The following FBXW2 variants were observed in gnomAD, a reference collection of about 807,000 sequenced individuals.
The protein encoded by FBXW2 is F-box/WD repeat-containing protein 2.
FBXW2 carries 12 observed loss-of-function variants against 46.0 expected under a neutral mutation model. That is an observed-to-expected ratio of 0.26 (90% CI 0.17 to 0.42). FBXW2 has a LOEUF of 0.42. Among genes scored for constraint, FBXW2 ranks in the 10% least tolerant of loss-of-function variants. FBXW2 has a pLI of 1.00. For missense variants in FBXW2, 360 were observed against 537.0 expected, an observed-to-expected ratio of 0.67 and a Z score of 3.26; for synonymous variants, 203 against 209.6, an observed-to-expected ratio of 0.97 and a Z score of 0.27.
rs753126809 is a variant in FBXW2 at position 120,788,023 on chromosome 9, G to T, written c.236C>A (p.Thr79Lys). 5.0e-6 allele frequency: 8 copies of T among 1,614,216 alleles called. No individual in the cohort carries two copies. The highest frequency in any genetic ancestry group is 6.8e-6 in the Non-Finnish European group (8 of 1,180,050). Reference protein sequence around the residue: ...LKWLDPQTLLTCCLVSKQWNK... With the variant: ...LKWLDPQTLLKCCLVSKQWNK... ...CCACTGTTTAGAGACGAGGCAGCAT[G>T]TGAGTAAAGTCTGAGGATCGAGCCA... The change falls in exon 3 of 8, where the codon ACA (threonine) becomes AAA (lysine). Residue 79 changes from threonine (T) to lysine (K), a missense_variant. By Grantham distance (78) the Thr-to-Lys change is moderately conservative. Transcript: ENST00000608872.
chr9:120,769,033 T>C (rs1009505209), intron 7 of FBXW2, among the ~76,000 whole-genome samples: 1 of 152,226 alleles, frequency 6.6e-6, no homozygotes, highest in African/African-American at 2.4e-5. Context: ...TTCACTTTGA[T>C]CACTTTAGAA....
intron 2 of FBXW2, 174 bp downstream of exon 2, chr9:120,792,975 G>T (rs1361512220): frequency 6.5e-7 from 1 of 1,533,600 alleles, no homozygotes; most frequent in African/African-American, 1.4e-5. Context: ...TCTTTCAAAC[G>T]TTTGGTAGCC....
At position 120,779,997 on chromosome 9, in the gene FBXW2, G is replaced by A. The variant is rs78441057; in HGVS notation, c.491-1452C>T. ...TCTACTAAAATAAAAAAAATCAGCC[G>A]GGCATGATGGCGCGCCTATATTCCC... is the stretch of plus-strand genomic sequence containing the variant. On this transcript the variant is annotated intron_variant, in intron 3 of 7. Coordinates refer to ENST00000608872, the MANE Select transcript of FBXW2 (RefSeq NM_012164.4). 5.9e-3 allele frequency among the ~76,000 whole-genome samples: 896 copies of A among 151,950 alleles called. 10 individuals carry two copies. The highest frequency in any genetic ancestry group is 0.02 in the African/African-American group (845 of 41,446).
chr9:120,777,083 T>TA (rs1343469421), intron 4 of FBXW2, among the ~76,000 whole-genome samples: 1 of 152,046 alleles, frequency 6.6e-6, no homozygotes, highest in Admixed American at 6.6e-5. Flanking sequence ...GAGGGAATAG[T>TA]AAAGGTATGA....
intron 3 of FBXW2, among the ~76,000 whole-genome samples, chr9:120,784,848 G>A (rs1488982477): frequency 6.6e-6 from 1 of 150,542 alleles, no homozygotes; most frequent in East Asian, 2.0e-4. Flanking sequence ...TTGAACCCAG[G>A]AGGAGGAGGT....
At chr9:120,778,633 C>A in intron 3 of FBXW2, 88 bp from the exon 4 acceptor site, 1 of 1,104,558 alleles carries the variant, frequency 9.1e-7, no homozygotes, top group Non-Finnish European at 1.3e-6. Flanking sequence ...TCTTCAAGAA[C>A]ATTAACGGTC....
chr9:120,793,065 C>G (rs1401878388), intron 2 of FBXW2, 84 bp downstream of exon 2: 3 of 1,001,362 alleles, frequency 3.0e-6, no homozygotes, highest in African/African-American at 1.6e-5. Flanking sequence ...CCCTGTTTTC[C>G]CGTCTCTAAA....
At chr9:120,790,852 T>C (rs1400743271) in intron 2 of FBXW2, among the ~76,000 whole-genome samples, 1 of 152,188 alleles carries the variant, frequency 6.6e-6, no homozygotes, top group Non-Finnish European at 1.5e-5. Flanking sequence ...AATGTGCCCA[T>C]GACACCGCTA....
intron 5 of FBXW2, among the ~76,000 whole-genome samples, chr9:120,773,395 G>A (rs2044422474): frequency 6.6e-6 from 1 of 152,124 alleles, no homozygotes; most frequent in South Asian, 2.1e-4. Flanking sequence ...CTGGACTTGG[G>A]ACCAGAATCT....
At chr9:120,789,151 G>A (rs957339655) in intron 2 of FBXW2, among the ~76,000 whole-genome samples, 1 of 152,132 alleles carries the variant, frequency 6.6e-6, no homozygotes, top group African/African-American at 2.4e-5. Context: ...GGTTAGAGAA[G>A]GTATGTGATT....
At chr9:120,784,660 C>T (rs2044681991) in intron 3 of FBXW2, among the ~76,000 whole-genome samples, 4 of 151,802 alleles carry the variant, frequency 2.6e-5, no homozygotes, top group African/African-American at 7.3e-5. Context: ...TGCCTCACAC[C>T]TGTAATCCCA....
At chr9:120,785,542 A>T (rs2044701778) in intron 3 of FBXW2, among the ~76,000 whole-genome samples, 1 of 152,238 alleles carries the variant, frequency 6.6e-6, no homozygotes, top group Non-Finnish European at 1.5e-5. Context: ...AGCATTTCAG[A>T]GAAAATATCA....
Position 120,764,781 on chromosome 9 carries a change from C to G in FBXW2, c.1143G>C (p.Leu381=). Residue 381 remains leucine (L), a synonymous_variant, in exon 8 of 8, where the codon CTG becomes CTC. Coordinates refer to ENST00000608872, the MANE Select transcript of FBXW2 (RefSeq NM_012164.4). ...LLGFGDIFAL[L]FDNRYLYIMD... is the part of the protein sequence containing the mutation. ...TGATGTACAGGTAGCGGTTGTCAAA[C>G]AGCAGGGCAAAGATATCTCCAAAGC... 1 of 1,612,950 alleles carries G rather than the reference C, an allele frequency of 6.2e-7. No individual in the cohort carries two copies. Among genetic ancestry groups the G allele is most frequent in the South Asian group, 1.1e-5 (1 of 90,994 alleles).
chr9:120,775,323 T>G (rs2044470383), intron 5 of FBXW2, among the ~76,000 whole-genome samples: 2 of 152,218 alleles, frequency 1.3e-5, no homozygotes, highest in Non-Finnish European at 2.9e-5. Flanking sequence ...GGATTACACA[T>G]GTAAGCCTCT....
At chr9:120,779,531 TA>T (rs1235545326) in intron 3 of FBXW2, among the ~76,000 whole-genome samples, 2 of 152,238 alleles carry the variant, frequency 1.3e-5, no homozygotes, top group Non-Finnish European at 2.9e-5. Context: ...CTGGGAAAAC[TA>T]TGATAGCATA....
At chr9:120,793,306 G>A (rs2044894441) in intron 1 of FBXW2, 48 bp downstream of exon 1, 1 of 444,264 alleles carries the variant, frequency 2.3e-6, no homozygotes, top group Non-Finnish European at 4.0e-6. Flanking sequence ...GCAGAGCCGC[G>A]GGCGCCTAAG....
rs962366986 is a variant in FBXW2, at chr9:120,763,642, A to G, written c.*917T>C. 6.6e-6 allele frequency: 1 copy of G among 152,226 alleles called. No homozygotes were observed. Among genetic ancestry groups the G allele is most frequent in the African/African-American group, 2.4e-5 (1 of 41,464 alleles). 9.4% of individuals were successfully genotyped at this position (152,226 alleles called of 1,614,324 possible). A position where few individuals can be genotyped will look rare whatever the true frequency, so the allele number is the denominator to read the frequency against. Reference sequence around the variant, plus strand: ...AATATTATCCGACCTGAAAGAAACCATGAATCAGGGATCAGACAAAAATAC... The same window carrying G: ...AATATTATCCGACCTGAAAGAAACCGTGAATCAGGGATCAGACAAAAATAC... On this transcript the variant is annotated 3_prime_UTR_variant, in exon 8 of 8. Coordinates refer to ENST00000608872, the MANE Select transcript of FBXW2 (RefSeq NM_012164.4).
chr9:120,784,527 T>TCA (rs1028695718), intron 3 of FBXW2, among the ~76,000 whole-genome samples: 1 of 151,294 alleles, frequency 6.6e-6, no homozygotes, highest in African/African-American at 2.4e-5. Flanking sequence ...CATGGGAGGA[T>TCA]CACCTGAGCC....
intron 7 of FBXW2, among the ~76,000 whole-genome samples, chr9:120,765,595 T>A (rs1564449076): frequency 6.6e-6 from 1 of 152,182 alleles, no homozygotes; most frequent in African/African-American, 2.4e-5. Flanking sequence ...GGTAAAAAGA[T>A]GTATTCATCA....
Sources: gnomAD v4.1 joint callset for allele counts (sites outside exome capture counted in the v4.1 genomes callset) on GRCh38, gnomAD v4.1.1 for gene constraint, MANE v1.5 for transcripts, NCBI Gene and HGNC (gene_info 2026-07-23, HGNC 2026-07-21) for gene names.